GSE1: variants seen among roughly 807,000 people sequenced by gnomAD.
The protein encoded by GSE1 is genetic suppressor element 1.
GSE1 carries 32 observed loss-of-function variants against 112.6 expected under a neutral mutation model. That is an observed-to-expected ratio of 0.28 (90% confidence interval 0.21 to 0.38). GSE1 has a LOEUF of 0.38. Among genes scored for constraint, GSE1 ranks in the 10% least tolerant of loss-of-function variants. The pLI is 1.00. For missense variants in GSE1, 2,348 were observed against 1,699.2 expected, an observed-to-expected ratio of 1.38 and a Z score of -6.71; for synonymous variants, 1,115 against 735.6, an observed-to-expected ratio of 1.52 and a Z score of -8.35.
chr16:85,250,996 A>G (rs1274610560), intron 1 of GSE1, among the ~76,000 whole-genome samples: 1 of 152,224 alleles, frequency 6.6e-6, no homozygotes, highest in East Asian at 1.9e-4. Flanking sequence ...TCAAGGCTTC[A>G]TTCCTTTTCA....
intron 2 of GSE1, among the ~76,000 whole-genome samples, chr16:85,496,080 C>T (rs186028858): frequency 2.6e-5 from 4 of 152,190 alleles, no homozygotes; most frequent in South Asian, 2.1e-4. Flanking sequence ...AGAATCCATC[C>T]GAGCACTCTG....
At chr16:85,446,311 G>C (rs557456858) in intron 2 of GSE1, among the ~76,000 whole-genome samples, 2 of 152,328 alleles carry the variant, frequency 1.3e-5, no homozygotes, top group African/African-American at 4.8e-5. Flanking sequence ...TCTCAGCTGT[G>C]AGACCTTGGG....
Position 85,672,530 on chromosome 16 carries a change from T to C in GSE1, c.3645T>C (p.Tyr1215=), listed in dbSNP as rs1381117575. ...GGCCTAGGGGCTACCTGAAGGGATATCCCAGGTGACGGTTTCCCTTGCACT... is the reference window on the plus strand; with the variant it reads ...GGCCTAGGGGCTACCTGAAGGGATACCCCAGGTGACGGTTTCCCTTGCACT... The part of the protein sequence containing the change: ...MHWPRGYLKG[Y]PR The change falls in exon 16 of 16, where the codon TAT becomes TAC. Residue 1215 remains tyrosine, a synonymous_variant. Transcript: ENST00000253458. The C allele has an allele frequency of 6.2e-7, 1 of 1,604,504 alleles. No individual in the cohort carries two copies. Among genetic ancestry groups the C allele is most frequent in the Non-Finnish European group, 8.5e-7 (1 of 1,172,478 alleles).
At chr16:85,440,973 A>G (rs1172037750) in intron 2 of GSE1, among the ~76,000 whole-genome samples, 1 of 152,130 alleles carries the variant, frequency 6.6e-6, no homozygotes, top group Non-Finnish European at 1.5e-5. Flanking sequence ...CCTGAAATGC[A>G]CACGTCCAGC....
intron 1 of GSE1, among the ~76,000 whole-genome samples, chr16:85,215,238 A>C (rs750954284): frequency 2.6e-5 from 4 of 152,210 alleles, no homozygotes; most frequent in African/African-American, 4.8e-5. Context: ...CACTTGTGTC[A>C]TCTTTAAAAT....
chr16:85,647,161 G>C (rs74034010), intron 2 of GSE1, among the ~76,000 whole-genome samples: 120 of 152,306 alleles, frequency 7.9e-4, no homozygotes, highest in African/African-American at 2.8e-3. Flanking sequence ...CAGATGGGCC[G>C]GGGCGGCCCT....
rs1490227780 is a variant in GSE1 at position 85,673,854 on chromosome 16, G to C, written c.*1315G>C. 1 of 152,184 alleles carries C rather than the reference G, an allele frequency of 6.6e-6. No homozygotes were observed. Among genetic ancestry groups the C allele is most frequent in the Non-Finnish European group, 1.5e-5 (1 of 68,052 alleles). The allele number at this position is 152,184 out of a possible 1,614,324, so 9.4% of individuals were successfully genotyped here. A position where few individuals can be genotyped will look rare whatever the true frequency, so the allele number is the denominator to read the frequency against. On this transcript the variant is annotated 3_prime_UTR_variant, in exon 16 of 16. Coordinates refer to ENST00000253458, the MANE Select transcript of GSE1 (RefSeq NM_014615.5). ...ATTTCTGTGATTGATATAATTCTAA[G>C]GTGTCTGAGAGCAGGTACAGAATAG...
intron 2 of GSE1, among the ~76,000 whole-genome samples, chr16:85,538,805 G>A (rs6540033): frequency 0.29 from 44,625 of 152,056 alleles, 6,719 homozygotes; most frequent in Middle Eastern, 0.4. Context: ...AGCCACCTTC[G>A]TTTCCTTTCC....
At chr16:85,670,952 C>T (rs2053278490) in intron 14 of GSE1, 43 bp from the exon 15 acceptor site, 1 of 1,254,926 alleles carries the variant, frequency 8.0e-7, no homozygotes, top group South Asian at 1.2e-5. Flanking sequence ...GGCCTTCGGG[C>T]TCCTGCATAC....
chr16:85,193,416 A>G (rs1325855312), intron 1 of GSE1, among the ~76,000 whole-genome samples: 1 of 152,058 alleles, frequency 6.6e-6, no homozygotes, highest in Non-Finnish European at 1.5e-5. Context: ...ATCATAGCTT[A>G]CTGAAGCTTT....
At chr16:85,334,717 A>G (rs1022833738) in intron 1 of GSE1, among the ~76,000 whole-genome samples, 2 of 152,228 alleles carry the variant, frequency 1.3e-5, no homozygotes, top group African/African-American at 4.8e-5. Flanking sequence ...CCACCCCAAA[A>G]TATGGCTGTA....
At chr16:85,444,657 T>C (rs1384563888) in intron 2 of GSE1, among the ~76,000 whole-genome samples, 1 of 151,856 alleles carries the variant, frequency 6.6e-6, no homozygotes, top group African/African-American at 2.4e-5. Flanking sequence ...TTCAACCCTC[T>C]CCATGCATGT....
chr16:85,623,887 T>A (rs543358364), intron 1 of GSE1, among the ~76,000 whole-genome samples: 2 of 152,196 alleles, frequency 1.3e-5, no homozygotes, highest in Non-Finnish European at 2.9e-5. Flanking sequence ...CCAGCTCCTG[T>A]ACGGCCTGGT....
intron 2 of GSE1, among the ~76,000 whole-genome samples, chr16:85,418,117 G>A (rs573319165): frequency 6.1e-4 from 93 of 152,344 alleles, no homozygotes; most frequent in Admixed American, 1.3e-3. Flanking sequence ...GATTACAGGC[G>A]TGAGCCACCG....
chr16:85,558,189 C>T (rs1317853374), intron 1 of GSE1, among the ~76,000 whole-genome samples: 2 of 152,216 alleles, frequency 1.3e-5, no homozygotes, highest in Non-Finnish European at 2.9e-5. Flanking sequence ...GTCGCGCTGA[C>T]ATTCATCAGA....
intron 2 of GSE1, among the ~76,000 whole-genome samples, chr16:85,375,045 G>A (rs1383712995): frequency 2.6e-5 from 4 of 152,190 alleles, no homozygotes; most frequent in Non-Finnish European, 4.4e-5. Flanking sequence ...TGTGTGACCT[G>A]GATGAGCCAC....
chr16:85,514,589 C>T (rs1299843137), intron 2 of GSE1, among the ~76,000 whole-genome samples: 1 of 152,214 alleles, frequency 6.6e-6, no homozygotes, highest in African/African-American at 2.4e-5. Context: ...GCCAGCCCCA[C>T]TCTTCACCCT....
At chr16:85,241,916 G>A (rs765719984) in intron 1 of GSE1, among the ~76,000 whole-genome samples, 4 of 152,040 alleles carry the variant, frequency 2.6e-5, no homozygotes, top group Non-Finnish European at 5.9e-5. Flanking sequence ...TCCCTTCATG[G>A]TGGCTGCCGG....
intron 1 of GSE1, among the ~76,000 whole-genome samples, chr16:85,346,034 C>G (rs1460385287): frequency 6.8e-6 from 1 of 147,994 alleles, no homozygotes; most frequent in African/African-American, 2.5e-5. Flanking sequence ...GACAGATGGA[C>G]AAGTGGATGA....
Sources: allele counts gnomAD v4.1 joint callset (sites outside exome capture counted in the v4.1 genomes callset), GRCh38; gene constraint gnomAD v4.1.1; transcripts MANE v1.5; gene names NCBI Gene and HGNC (gene_info 2026-07-23, HGNC 2026-07-21).